EIF4E1B: variants seen among roughly 807,000 people sequenced by gnomAD.
EIF4E1B encodes eukaryotic translation initiation factor 4E family member 1B.
A neutral mutation model predicts 31.3 loss-of-function variants in EIF4E1B; 22 were observed. The ratio of observed to expected loss-of-function variants is 0.70; its 90% CI spans 0.50 to 1.00. The LOEUF (loss-of-function observed/expected upper bound fraction) is 1.00. Ranked by LOEUF, EIF4E1B falls within the 50% of genes least tolerant of loss-of-function variation. The pLI is 0.00. For missense variants in EIF4E1B, 290 were observed against 311.6 expected, an observed-to-expected ratio of 0.93 and a Z score of 0.52; for synonymous variants, 126 against 120.2, an observed-to-expected ratio of 1.05 and a Z score of -0.31.
intron 1 of EIF4E1B, among the ~76,000 whole-genome samples, chr5:176,631,365 C>T (rs1182024067): frequency 6.6e-6 from 1 of 152,170 alleles, no homozygotes; most frequent in Non-Finnish European, 1.5e-5. Context: ...GAATGCCAGG[C>T]ACACAGTAGG....
Position 176,636,487 on chromosome 5 carries a change from G to C in EIF4E1B, c.-202+5423G>C, listed in dbSNP as rs76183055. Among the ~76,000 whole-genome samples the C allele has an allele frequency of 8.2e-3, 1,251 of 152,370 alleles. 14 individuals carry two copies. The highest frequency in any genetic ancestry group is 0.024 in the African/African-American group (1,017 of 41,584). On this transcript the variant is annotated intron_variant, in intron 1 of 8. Transcript: ENST00000318682. ...AGGGTTTTAGAGAAGATCCTCGTTG[G>C]AGCAGCTGGAGCAGAGAGTTCTCTT...
rs998709324 is a variant in EIF4E1B, at chr5:176,645,762, G to T, written c.615-104G>T. On this transcript the variant is annotated intron_variant, in intron 8 of 8. Transcript: ENST00000318682. The surrounding 1 kb of genome is among the most constrained non-coding windows in gnomAD (Gnocchi z 5.4). Reference sequence around the variant, plus strand: ...CACATGGGTAAGACACAACAGGTGTGGCTGTGGCCAGAATGAGGGTAGGAG... The same window carrying T: ...CACATGGGTAAGACACAACAGGTGTTGCTGTGGCCAGAATGAGGGTAGGAG... 2.6e-6 allele frequency: 3 copies of T among 1,165,106 alleles called. No individual in the cohort carries two copies. The highest frequency in any genetic ancestry group is 3.6e-6 in the Non-Finnish European group (3 of 837,536). 72.2% of individuals were successfully genotyped at this position (1,165,106 alleles called of 1,614,324 possible).
In EIF4E1B at chr5:176,643,223, G is replaced by C. The variant is rs747289836; in HGVS notation, c.157G>C (p.Gly53Arg). Residue 53 changes from glycine (G) to arginine (R), a missense_variant, in exon 4 of 9, where the codon GGC becomes CGC. Gly to Arg is a moderately radical substitution (Grantham distance 125). Transcript: ENST00000318682. ...LSLRGKARTG[G>R]PMEVKLELHP... Reference sequence around the variant, plus strand: ...TCTGAGAGGGAAGGCCCGGACGGGGGGCCCCATGGAAGTCAAGCTGGAGCT... The same window carrying C: ...TCTGAGAGGGAAGGCCCGGACGGGGCGCCCCATGGAAGTCAAGCTGGAGCT... 1 of 1,612,866 alleles carries C rather than the reference G, an allele frequency of 6.2e-7. No homozygotes were observed. The highest frequency in any genetic ancestry group is 8.5e-7 in the Non-Finnish European group (1 of 1,179,862).
intron 1 of EIF4E1B, among the ~76,000 whole-genome samples, chr5:176,640,300 C>T (rs1451272208): frequency 6.6e-6 from 1 of 152,220 alleles, no homozygotes; most frequent in Non-Finnish European, 1.5e-5. Context: ...GAGCAGATGA[C>T]TCCAGCCCCA....
chr5:176,642,851 T>TTCCCCCCC (rs1760604813), intron 3 of EIF4E1B, 49 bp downstream of exon 3: 1 of 955,028 alleles, frequency 1.0e-6, no homozygotes, highest in Admixed American at 4.2e-5. Context: ...CCCCGCCCTC[T>TTCCCCCCC]CCCCCCCCCC....
chr5:176,646,061 G>GA lies in EIF4E1B; in HGVS notation c.*82dup. 1 of 1,231,358 alleles carries GA rather than the reference G, an allele frequency of 8.1e-7. No individual in the cohort carries two copies. 76.3% of individuals were successfully genotyped at this position (1,231,358 alleles called of 1,614,324 possible). The stretch of plus-strand genomic sequence containing the variant: ...CTTTGGGGGATGGGGCGGGACTGGG[G>GA]ATCAGACAGCCTAGTTCTTACCTGT... On this transcript the variant is annotated 3_prime_UTR_variant, in exon 9 of 9. Coordinates refer to ENST00000318682, the MANE Select transcript of EIF4E1B (RefSeq NM_001099408.2).
Position 176,643,124 on chromosome 5 carries a change from GAGA to G in EIF4E1B, c.61_63del (p.Lys21del), listed in dbSNP as rs762488024. 3.1e-6 allele frequency: 5 copies of G among 1,613,028 alleles called. No homozygotes were observed. The African/African-American group carries it at 5.4e-5, about 17-fold the overall frequency. The stretch of plus-strand genomic sequence containing the variant: ...TGGAATCCGAGAGTGGGAGGAGGAG[GAGA>G]AGGAGGAGGAGGCAGCAGAGAGGAC... On this transcript the variant is annotated inframe_deletion, in exon 4 of 9. Coordinates refer to ENST00000318682, the MANE Select transcript of EIF4E1B (RefSeq NM_001099408.2).
At position 176,642,885 on chromosome 5, in the gene EIF4E1B, G is replaced by C. The variant is rs990156052; in HGVS notation, c.15+83G>C. The C allele has an allele frequency of 2.6e-6, 4 of 1,516,616 alleles. No individual in the cohort carries two copies. In the East Asian group the frequency reaches 1.0e-4, roughly 38 times the overall value. 93.9% of individuals were successfully genotyped at this position (1,516,616 alleles called of 1,614,324 possible). On this transcript the variant is annotated intron_variant, in intron 3 of 8. Coordinates refer to ENST00000318682, the MANE Select transcript of EIF4E1B (RefSeq NM_001099408.2). The stretch of plus-strand genomic sequence containing the variant: ...CCCCCCGCCCCAGGTGGGCGGGGCA[G>C]GTGCTGGTGGGTTAAAAGCTGGTAG...
chr5:176,642,684 C>A, intron 2 of EIF4E1B, 26 bp from the exon 3 acceptor site: 1 of 1,517,242 alleles, frequency 6.6e-7, no homozygotes, highest in Non-Finnish European at 8.9e-7. Context: ...TTCGAGCAGG[C>A]TCCAAATATT....
chr5:176,644,134 G>A, intron 5 of EIF4E1B: 5 of 577,328 alleles, frequency 8.7e-6, no homozygotes, highest in Non-Finnish European at 1.5e-5. Context: ...AGCTGGAGGG[G>A]GGAGCACCAG....
At chr5:176,634,162 G>C (rs964609505) in intron 1 of EIF4E1B, among the ~76,000 whole-genome samples, 4 of 152,074 alleles carry the variant, frequency 2.6e-5, no homozygotes, top group African/African-American at 4.8e-5. Context: ...GTGGGGGGAT[G>C]ATGATGAGCT....
intron 3 of EIF4E1B, 116 bp downstream of exon 3, chr5:176,642,918 C>T: frequency 7.9e-7 from 1 of 1,262,122 alleles, no homozygotes. Flanking sequence ...TAGCTGGGGG[C>T]TTTTCAGATG....
rs780383851 is a variant in EIF4E1B, at chr5:176,643,286, T to C, written c.200+20T>C. ...GAACAGGTAGGCAGGAGCCTGCGAG[T>C]GGAACACAGCCCCTTGCTTTCAGGC... is the stretch of plus-strand genomic sequence containing the variant. On this transcript the variant is annotated intron_variant, in intron 4 of 8. Coordinates refer to ENST00000318682, the MANE Select transcript of EIF4E1B (RefSeq NM_001099408.2). The C allele has an allele frequency of 9.4e-5, 152 of 1,609,202 alleles. No homozygotes were observed. The highest frequency in any genetic ancestry group is 1.7e-4 in the South Asian group (15 of 90,828).
rs904826387 is a variant in EIF4E1B at position 176,638,463 on chromosome 5, G to A, written c.-201-3580G>A. Among the ~76,000 whole-genome samples, 1 of 152,212 alleles carries A rather than the reference G, an allele frequency of 6.6e-6. No homozygotes were observed. Among genetic ancestry groups the A allele is most frequent in the Non-Finnish European group, 1.5e-5 (1 of 68,044 alleles). On this transcript the variant is annotated intron_variant, in intron 1 of 8. Coordinates refer to ENST00000318682, the MANE Select transcript of EIF4E1B (RefSeq NM_001099408.2). The surrounding 1 kb of genome is among the most constrained non-coding windows in gnomAD (Gnocchi z 4.3). ...TGAATAAACGAATAAGTAGTGTTAA[G>A]CGCTAAGAAGGAAATAGAACAGAGT...
intron 1 of EIF4E1B, among the ~76,000 whole-genome samples, chr5:176,636,948 C>T (rs1760502994): frequency 6.6e-6 from 1 of 152,232 alleles, no homozygotes. Flanking sequence ...TGGAACTCAG[C>T]ATTCGAGTGG....
Position 176,642,770 on chromosome 5 carries a change from G to C in EIF4E1B, c.-18G>C. 6.4e-7 allele frequency: 1 copy of C among 1,560,412 alleles called. No individual in the cohort carries two copies. The highest frequency in any genetic ancestry group is 8.7e-7 in the Non-Finnish European group (1 of 1,154,102). ...TGCTTCCCCAGCCCCAGGCCTGCACGAAGAAGGCACTCACTAAATGCTTGC... is the reference window on the plus strand; with the variant it reads ...TGCTTCCCCAGCCCCAGGCCTGCACCAAGAAGGCACTCACTAAATGCTTGC... On this transcript the variant is annotated 5_prime_UTR_variant, in exon 3 of 9. Transcript: ENST00000318682.
intron 1 of EIF4E1B, among the ~76,000 whole-genome samples, chr5:176,631,337 A>T (rs1264810571): frequency 6.6e-6 from 1 of 152,156 alleles, no homozygotes; most frequent in Non-Finnish European, 1.5e-5. Flanking sequence ...TACGGTGGGG[A>T]CTGTCAAAAT....
intron 4 of EIF4E1B, 105 bp downstream of exon 4, chr5:176,643,371 C>T (rs1201130369): frequency 2.9e-6 from 4 of 1,380,690 alleles, no homozygotes; most frequent in African/African-American, 1.4e-5. Flanking sequence ...CCTAGCTCTT[C>T]ATCCGTGGGA....
intron 1 of EIF4E1B, among the ~76,000 whole-genome samples, chr5:176,633,116 G>T (rs1760434204): frequency 6.6e-6 from 1 of 152,230 alleles, no homozygotes; most frequent in South Asian, 2.1e-4. Flanking sequence ...TCATAGGTCT[G>T]CCTGGTAGTG....
Sources: gnomAD v4.1 joint callset for allele counts (sites outside exome capture counted in the v4.1 genomes callset) on GRCh38, gnomAD v4.1.1 for gene constraint, Gnocchi (gnomAD v3.1) non-coding constraint, MANE v1.5 for transcripts, NCBI Gene and HGNC (gene_info 2026-07-23, HGNC 2026-07-21) for gene names.